The following PPP4R1 variants were observed in gnomAD, a reference collection of about 807,000 sequenced individuals.
The protein encoded by PPP4R1 is serine/threonine-protein phosphatase 4 regulatory subunit 1.
A neutral mutation model predicts 111.2 loss-of-function variants in PPP4R1; 42 were observed. That is an observed-to-expected ratio of 0.38 (90% CI 0.29 to 0.49). The LOEUF is 0.49. Ranked by LOEUF, PPP4R1 falls within the 20% of genes least tolerant of loss-of-function variation. The probability of loss-of-function intolerance (pLI) is 0.97; values close to 1 mark genes in which losing one functional copy is unlikely to be tolerated. For synonymous variants in PPP4R1, 409 were observed against 405.5 expected (o/e 1.01, Z -0.10); for missense variants, 1,012 against 1,161.6 (o/e 0.87, Z 1.87).
chr18:9,606,514 T>G (rs1323239977), intron 2 of PPP4R1, among the ~76,000 whole-genome samples: 1 of 152,174 alleles, frequency 6.6e-6, no homozygotes, highest in Admixed American at 6.5e-5. Flanking sequence ...AACTTTAATT[T>G]TGTACTTTGC....
At chr18:9,605,016 A>G (rs183662418) in intron 2 of PPP4R1, among the ~76,000 whole-genome samples, 1 of 152,282 alleles carries the variant, frequency 6.6e-6, no homozygotes, top group Non-Finnish European at 1.5e-5. Flanking sequence ...CTTTTATCAA[A>G]ATTGATCAAA....
chr18:9,549,053 T>A (rs973586538), intron 19 of PPP4R1, 144 bp downstream of exon 19: 60 of 1,051,416 alleles, frequency 5.7e-5, no homozygotes, highest in Middle Eastern at 2.4e-4. Flanking sequence ...CTTGGGAGAA[T>A]CACCGGAACA....
At chr18:9,604,772 A>G (rs1262749479) in intron 2 of PPP4R1, among the ~76,000 whole-genome samples, 1 of 152,068 alleles carries the variant, frequency 6.6e-6, no homozygotes, top group East Asian at 1.9e-4. Context: ...CCCAACATAT[A>G]TAAATTCCCT....
intron 14 of PPP4R1, among the ~76,000 whole-genome samples, chr18:9,558,360 A>C (rs2066620426): frequency 6.6e-6 from 1 of 152,218 alleles, no homozygotes; most frequent in South Asian, 2.1e-4. Flanking sequence ...ATCCCACGGG[A>C]ACCCTACAGT....
Position 9,614,450 on chromosome 18 carries a change from G to A in PPP4R1, c.7+28C>T, listed in dbSNP as rs1318856908. On this transcript the variant is annotated intron_variant, in intron 1 of 19. Coordinates refer to ENST00000400556, the MANE Select transcript of PPP4R1 (RefSeq NM_001042388.3). This position sits in a 1 kb window ranked among gnomAD's most constrained non-coding sequence, Gnocchi z 4.1. ...GGGCGGGTGGGCTCGAGGAGCCGCC[G>A]CCGCCCGGAGAACAGGGGGCCACGT... The A allele has an allele frequency of 2.0e-6, 2 of 1,022,126 alleles. No homozygotes were observed. Among genetic ancestry groups the A allele is most frequent in the Non-Finnish European group, 2.3e-6 (2 of 855,314 alleles). 63.3% of individuals were successfully genotyped at this position (1,022,126 alleles called of 1,614,324 possible).
chr18:9,555,872 C>G (rs528003331), intron 15 of PPP4R1, among the ~76,000 whole-genome samples: 1 of 152,050 alleles, frequency 6.6e-6, no homozygotes, highest in African/African-American at 2.4e-5. Context: ...CATGGTGGCT[C>G]ACGCCTGTAA....
intron 10 of PPP4R1, among the ~76,000 whole-genome samples, chr18:9,576,299 T>C (rs1049254640): frequency 3.3e-5 from 5 of 152,152 alleles, no homozygotes; most frequent in Non-Finnish European, 7.3e-5. Context: ...TTTCAAATAT[T>C]TGTACTAAAA....
At chr18:9,596,765 G>A (rs1419170918) in intron 2 of PPP4R1, among the ~76,000 whole-genome samples, 1 of 152,106 alleles carries the variant, frequency 6.6e-6, no homozygotes, top group African/African-American at 2.4e-5. Context: ...TATATACCAT[G>A]GGCCCATCTT....
At chr18:9,549,092 T>C (rs1445681027) in intron 19 of PPP4R1, 105 bp downstream of exon 19, 2 of 1,376,254 alleles carry the variant, frequency 1.5e-6, no homozygotes, top group Non-Finnish European at 2.0e-6. Context: ...ACCAGATTAT[T>C]TTCTCTGAGC....
chr18:9,564,950 C>A (rs1202027591), intron 11 of PPP4R1, among the ~76,000 whole-genome samples: 1 of 151,940 alleles, frequency 6.6e-6, no homozygotes, highest in Non-Finnish European at 1.5e-5. Context: ...CTCAAGCAAT[C>A]CTTCTGCCTC....
At chr18:9,566,452 C>G (rs918899129) in intron 11 of PPP4R1, among the ~76,000 whole-genome samples, 1 of 151,646 alleles carries the variant, frequency 6.6e-6, no homozygotes, top group African/African-American at 2.4e-5. Flanking sequence ...GAGTGCGAGA[C>G]CAGCCTGGCC....
At chr18:9,590,324 T>C (rs1161093709) in intron 4 of PPP4R1, 1 of 152,234 alleles carries the variant, frequency 6.6e-6, no homozygotes, top group African/African-American at 2.4e-5. Context: ...TCTATTATAC[T>C]GTTGTACCAT....
intron 5 of PPP4R1, 134 bp downstream of exon 5, chr18:9,588,577 A>G: frequency 9.8e-7 from 1 of 1,018,826 alleles, no homozygotes; most frequent in African/African-American, 1.6e-5. Flanking sequence ...CAGACTCTAA[A>G]CACATCTTGT....
rs751165477 is a variant in PPP4R1, at chr18:9,588,859, G to C, written c.296-6C>G. The C allele has an allele frequency of 6.2e-7, 1 of 1,611,250 alleles. No homozygotes were observed. The highest frequency in any genetic ancestry group is 2.2e-5 in the East Asian group (1 of 44,846). The stretch of plus-strand genomic sequence containing the variant: ...CTCCGCTCTCACAGTTGGTTCTATT[G>C]AAATAACGGCAATGTGAGCAAACAT... On this transcript the variant is annotated splice_region_variant and splice_polypyrimidine_tract_variant and intron_variant, in intron 4 of 19. Coordinates refer to ENST00000400556, the MANE Select transcript of PPP4R1 (RefSeq NM_001042388.3).
At chr18:9,606,560 T>C (rs1452478570) in intron 2 of PPP4R1, among the ~76,000 whole-genome samples, 1 of 152,128 alleles carries the variant, frequency 6.6e-6, no homozygotes, top group East Asian at 1.9e-4. Flanking sequence ...AACCCTTCCT[T>C]CAAATATCAA....
In PPP4R1 at chr18:9,560,946, G is replaced by A. The variant is rs1318676696; in HGVS notation, c.1842+1034C>T. Among the ~76,000 whole-genome samples the A allele has an allele frequency of 3.9e-5, 6 of 151,990 alleles. No homozygotes were observed. The East Asian group carries it at 5.8e-4, about 15-fold the overall frequency. ...ATAATATAATCCTAAGGCTGGGCAC[G>A]GTAGCTCATGCCTGTAATCACAGCA... On this transcript the variant is annotated intron_variant, in intron 13 of 19. Transcript: ENST00000400556.
intron 9 of PPP4R1, among the ~76,000 whole-genome samples, chr18:9,577,739 A>G (rs2066960833): frequency 6.6e-6 from 1 of 152,182 alleles, no homozygotes; most frequent in South Asian, 2.1e-4. Flanking sequence ...TGAATGTTTG[A>G]ACCATGATAA....
chr18:9,568,768 G>A (rs1312377010), intron 11 of PPP4R1, among the ~76,000 whole-genome samples: 1 of 152,188 alleles, frequency 6.6e-6, no homozygotes, highest in Non-Finnish European at 1.5e-5. Context: ...GAGCGCAGTG[G>A]TTCACACCTG....
Position 9,568,810 on chromosome 18 carries a change from C to T in PPP4R1, c.1573+1347G>A, listed in dbSNP as rs566748402. ...CAGCATGGTGGGAGGCCAAGGCAGG[C>T]GGATCACCTGAGGTCAGGAGTTCAA... is the stretch of plus-strand genomic sequence containing the variant. On this transcript the variant is annotated intron_variant, in intron 11 of 19. Transcript: ENST00000400556. Among the ~76,000 whole-genome samples, 30 of 152,140 alleles carry T rather than the reference C, an allele frequency of 2.0e-4. No individual in the cohort carries two copies. In the South Asian group the frequency reaches 4.0e-3, roughly 20 times the overall value.
Sources: allele counts gnomAD v4.1 joint callset (sites outside exome capture counted in the v4.1 genomes callset), GRCh38; gene constraint gnomAD v4.1.1; non-coding constraint Gnocchi (gnomAD v3.1); transcripts MANE v1.5; gene names NCBI Gene and HGNC (gene_info 2026-07-23, HGNC 2026-07-21).